The following INA variants were observed in gnomAD, a reference collection of about 807,000 sequenced individuals.
INA encodes the protein internexin neuronal intermediate filament protein alpha.
Under a neutral mutation model 40.1 loss-of-function variants are expected in INA, and 35 were observed. That is an observed-to-expected ratio of 0.87 (90% confidence interval 0.67 to 1.16). The LOEUF is 1.16. Among genes scored for constraint, INA ranks in the 50% most tolerant of loss-of-function variants. The pLI, the probability that INA is intolerant of heterozygous loss-of-function variation, is 0.00. For missense variants in INA, 594 were observed against 686.7 expected (o/e 0.87, Z 1.51); for synonymous variants, 290 against 316.9 (o/e 0.92, Z 0.90).
chr10:103,280,431 C>T (rs2093070180), intron 1 of INA: 1 of 985,442 alleles, frequency 1.0e-6, no homozygotes, highest in Non-Finnish European at 1.2e-6. Flanking sequence ...AGGTGAAAAG[C>T]CTCCCTTTCT....
chr10:103,285,069 C>T (rs188647017), intron 1 of INA, among the ~76,000 whole-genome samples: 72 of 150,196 alleles, frequency 4.8e-4, no homozygotes, highest in East Asian at 1.8e-3. Context: ...CTGCAACCTC[C>T]GCCTCCCAGA....
chr10:103,280,055 C>CA, intron 1 of INA: 1 of 1,270,688 alleles, frequency 7.9e-7, no homozygotes, highest in African/African-American at 1.5e-5. Context: ...ATTTTCTCTG[C>CA]TTGTTATAGC....
Position 103,288,648 on chromosome 10 carries a change from C to T in INA, c.1479C>T (p.Thr493=). Residue 493 remains threonine (T), a synonymous_variant, in exon 3 of 3, where the codon ACC becomes ACT. Coordinates refer to ENST00000369849, the MANE Select transcript of INA (RefSeq NM_032727.4). ...KTEKSNIEET[T]ISSQKI ...AGAAATCAAATATAGAAGAAACCACCATTTCAAGCCAAAAAATATAATTCC... is the reference window on the plus strand; with the variant it reads ...AGAAATCAAATATAGAAGAAACCACTATTTCAAGCCAAAAAATATAATTCC... 6.4e-7 allele frequency: 1 copy of T among 1,572,254 alleles called. No individual in the cohort carries two copies. The highest frequency in any genetic ancestry group is 8.6e-7 in the Non-Finnish European group (1 of 1,162,994).
chr10:103,278,118 G>GT lies in INA; in HGVS notation c.907_908insT (p.Glu303ValfsTer55). ...GAACGAGCAGGCGGCGCGCAGCACC[G>GT]AGGCCATCCGGGCCAGCCGCGAGGA... On this transcript the variant is annotated frameshift_variant, in exon 1 of 3. Coordinates refer to ENST00000369849, the MANE Select transcript of INA (RefSeq NM_032727.4). LOFTEE classifies it high-confidence loss of function. The surrounding 1 kb of genome is among the most constrained non-coding windows in gnomAD (Gnocchi z 4.9). 1 of 1,613,036 alleles carries GT rather than the reference G, an allele frequency of 6.2e-7. No individual in the cohort carries two copies. Among genetic ancestry groups the GT allele is most frequent in the Non-Finnish European group, 8.5e-7 (1 of 1,179,870 alleles).
At chr10:103,284,852 G>T (rs1181545254) in intron 1 of INA, among the ~76,000 whole-genome samples, 1 of 152,154 alleles carries the variant, frequency 6.6e-6, no homozygotes, top group Non-Finnish European at 1.5e-5. Flanking sequence ...ATTTGCACAA[G>T]GTTCCTGCAT....
rs1051495557 is a variant in INA at position 103,277,252 on chromosome 10, C to G, written c.41C>G (p.Ser14Cys). The change falls in exon 1 of 3, where the codon TCC (serine) becomes TGC (cysteine). Residue 14 changes from serine (S) to cysteine (C), a missense_variant. Transcript: ENST00000369849. This position sits in a 1 kb window ranked among gnomAD's most constrained non-coding sequence, Gnocchi z 5.6. Reference protein sequence around the residue: ...GSEHYLCSSSSYRKVFGDGSR... With the variant: ...GSEHYLCSSSCYRKVFGDGSR... ...GAGCACTACCTGTGCTCCTCCTCCT[C>G]CTACCGCAAGGTGTTCGGGGATGGC... 17 of 1,593,824 alleles carry G rather than the reference C, an allele frequency of 1.1e-5. No individual in the cohort carries two copies. The highest frequency in any genetic ancestry group is 1.4e-5 in the Non-Finnish European group (16 of 1,173,326).
Position 103,277,406 on chromosome 10 carries a change from C to T in INA, c.195C>T (p.Ala65=). The T allele has an allele frequency of 6.4e-7, 1 of 1,558,776 alleles. No individual in the cohort carries two copies. The highest frequency in any genetic ancestry group is 2.5e-5 in the East Asian group (1 of 39,820). ...CCTCGTCGCTCGGCCTCGGCCTGGC[C>T]TATCGCCGGCCGCCGGCGTCCGACG... The part of the protein sequence containing the change: ...SSASSLGLGL[A]YRRPPASDGL... The change falls in exon 1 of 3, where the codon GCC becomes GCT. Residue 65 remains alanine (A), a synonymous_variant. Coordinates refer to ENST00000369849, the MANE Select transcript of INA (RefSeq NM_032727.4). This position sits in a 1 kb window ranked among gnomAD's most constrained non-coding sequence, Gnocchi z 5.6.
At position 103,278,549 on chromosome 10, in the gene INA, C is replaced by T. The variant is rs921556727; in HGVS notation, c.1065+273C>T. On this transcript the variant is annotated intron_variant, in intron 1 of 2. Transcript: ENST00000369849. The surrounding 1 kb of genome is among the most constrained non-coding windows in gnomAD (Gnocchi z 4.9). The stretch of plus-strand genomic sequence containing the variant: ...AAACCCAACTCTGCCTGTCTGTCAG[C>T]AAGCGGGCCTACACACACCGGCGAC... 4.6e-5 allele frequency among the ~76,000 whole-genome samples: 7 copies of T among 152,248 alleles called. No homozygotes were observed.
At chr10:103,281,008 C>A in intron 1 of INA, 1 of 812,626 alleles carries the variant, frequency 1.2e-6, no homozygotes, top group Non-Finnish European at 1.5e-6. Flanking sequence ...TCAAGATCAC[C>A]GCAGGTTAAT....
rs1554858925 is a variant in INA, at chr10:103,278,903, G to GCGCACACACACACACACACACA, written c.1065+628_1065+629insGCACACACACACACACACACAC. On this transcript the variant is annotated intron_variant, in intron 1 of 2. Transcript: ENST00000369849. The surrounding 1 kb of genome is among the most constrained non-coding windows in gnomAD (Gnocchi z 4.9). Reference sequence around the variant, plus strand: ...ACACACACGATTCCCTTGTCCACCAGCACACACACACACACACACACACAC... The same window carrying GCGCACACACACACACACACACA: ...ACACACACGATTCCCTTGTCCACCAGCGCACACACACACACACACACACACACACACACACACACACACACAC... Among the ~76,000 whole-genome samples the GCGCACACACACACACACACACA allele has an allele frequency of 7.3e-6, 1 of 136,792 alleles. No individual in the cohort carries two copies. The highest frequency in any genetic ancestry group is 2.7e-5 in the African/African-American group (1 of 36,612). 89.7% of individuals were successfully genotyped at this position (136,792 alleles called of 152,430 possible). A position where few individuals can be genotyped will look rare whatever the true frequency, so the allele number is the denominator to read the frequency against.
intron 1 of INA, chr10:103,280,602 T>G: frequency 1.0e-6 from 1 of 985,488 alleles, no homozygotes; most frequent in Non-Finnish European, 1.2e-6. Context: ...AAGGCCCCAT[T>G]AAAGTCCCAT....
intron 1 of INA, chr10:103,280,132 G>C: frequency 1.0e-6 from 1 of 985,412 alleles, no homozygotes; most frequent in Non-Finnish European, 1.2e-6. Flanking sequence ...TTCATCATTA[G>C]ACAATGGTAG....
rs778762199 is a variant in INA at position 103,290,120 on chromosome 10, C to G, written c.*1451C>G. The G allele has an allele frequency of 2.6e-5, 4 of 152,644 alleles. No individual in the cohort carries two copies. The highest frequency in any genetic ancestry group is 6.5e-5 in the Admixed American group (1 of 15,272). The allele number at this position is 152,644 out of a possible 1,614,324, so 9.5% of individuals were successfully genotyped here. A position where few individuals can be genotyped will look rare whatever the true frequency, so the allele number is the denominator to read the frequency against. ...GTTCTCTGTCCAGCAGTCACTTCGG[C>G]CAGAGCTGAAGAGTTGCCCCGTCTC... On this transcript the variant is annotated 3_prime_UTR_variant, in exon 3 of 3. Coordinates refer to ENST00000369849, the MANE Select transcript of INA (RefSeq NM_032727.4).
intron 1 of INA, chr10:103,280,216 G>A (rs1339770630): frequency 9.1e-6 from 9 of 985,294 alleles, no homozygotes; most frequent in African/African-American, 1.7e-5. Flanking sequence ...GCAGCTCTGC[G>A]GTGCTGCCCC....
intron 1 of INA, chr10:103,280,181 C>T (rs1157277933): frequency 1.0e-6 from 1 of 985,172 alleles, no homozygotes; most frequent in Non-Finnish European, 1.2e-6. Flanking sequence ...AAACAAAAAA[C>T]AACAACAGAG....
intron 2 of INA, among the ~76,000 whole-genome samples, chr10:103,287,613 C>T (rs146671895): frequency 0.02 from 3,004 of 151,028 alleles, 71 homozygotes; most frequent in South Asian, 0.074. Flanking sequence ...CACACACCTG[C>T]AGTCCCAGCT....
intron 1 of INA, among the ~76,000 whole-genome samples, chr10:103,279,643 A>G (rs1021271584): frequency 1.3e-5 from 2 of 152,248 alleles, no homozygotes; most frequent in Non-Finnish European, 2.9e-5. Context: ...TAGGGCTTGG[A>G]ACATTGGTAA....
At position 103,288,773 on chromosome 10, in the gene INA, T is replaced by G. The variant is rs564825228; in HGVS notation, c.*104T>G. 1 of 723,308 alleles carries G rather than the reference T, an allele frequency of 1.4e-6. No individual in the cohort carries two copies. Among genetic ancestry groups the G allele is most frequent in the African/African-American group, 1.8e-5 (1 of 56,134 alleles). 44.8% of individuals were successfully genotyped at this position (723,308 alleles called of 1,614,324 possible). On this transcript the variant is annotated 3_prime_UTR_variant, in exon 3 of 3. Coordinates refer to ENST00000369849, the MANE Select transcript of INA (RefSeq NM_032727.4). ...TAACACCTGCCACCACTATAAAATG[T>G]CTTCAAGGCTTCAGTCTCATATTTA...
At position 103,277,395 on chromosome 10, in the gene INA, C is replaced by G. The variant is rs775356655; in HGVS notation, c.184C>G (p.Leu62Val). 1 of 1,561,708 alleles carries G rather than the reference C, an allele frequency of 6.4e-7. No individual in the cohort carries two copies. The highest frequency in any genetic ancestry group is 1.2e-5 in the South Asian group (1 of 86,644). ...AACSSASSLGLGLAYRRPPAS... is the reference protein window; with the variant it reads ...AACSSASSLGVGLAYRRPPAS... ...CTGCTCCTCGGCCTCGTCGCTCGGCCTCGGCCTGGCCTATCGCCGGCCGCC... is the reference window on the plus strand; with the variant it reads ...CTGCTCCTCGGCCTCGTCGCTCGGCGTCGGCCTGGCCTATCGCCGGCCGCC... Residue 62 changes from leucine to valine, a missense_variant, in exon 1 of 3, where the codon CTC (leucine) becomes GTC (valine). Leu to Val is a conservative substitution (Grantham distance 32, BLOSUM62 1). This residue lies in a region of INA where 215 missense variants were observed against 190.6 expected (regional missense o/e 1.13). Coordinates refer to ENST00000369849, the MANE Select transcript of INA (RefSeq NM_032727.4). This position sits in a 1 kb window ranked among gnomAD's most constrained non-coding sequence, Gnocchi z 5.6.
Sources: gnomAD v4.1 joint callset for allele counts (sites outside exome capture counted in the v4.1 genomes callset) on GRCh38, gnomAD v4.1.1 for gene constraint, gnomAD v4.1.1 regional missense constraint, Gnocchi (gnomAD v3.1) non-coding constraint, MANE v1.5 for transcripts, NCBI Gene and HGNC (gene_info 2026-07-23, HGNC 2026-07-21) for gene names.